Variants in ASAP1 observed in about 807,000 individuals in gnomAD.
ASAP1 encodes ArfGAP with SH3 domain, ankyrin repeat and PH domain 1.
In ASAP1, 43 loss-of-function variants were observed where a neutral mutation model predicts 145.2. The ratio of observed to expected loss-of-function variants is 0.30; its 90% CI spans 0.23 to 0.38. The LOEUF (loss-of-function observed/expected upper bound fraction) is 0.38, where lower values mean the gene tolerates loss of function less well. ASAP1 is among the 10% of genes least tolerant of loss of function. ASAP1 has a pLI of 1.00. For missense variants in ASAP1, 1,018 were observed against 1,355.3 expected, an observed-to-expected ratio of 0.75 and a Z score of 3.91; for synonymous variants, 546 against 515.5, an observed-to-expected ratio of 1.06 and a Z score of -0.80.
intron 2 of ASAP1, among the ~76,000 whole-genome samples, chr8:130,370,525 C>G (rs974884308): frequency 6.6e-6 from 1 of 152,076 alleles, no homozygotes; most frequent in African/African-American, 2.4e-5. Flanking sequence ...TATAGCAGCC[C>G]AAACTGACTA....
At chr8:130,150,918 C>G (rs1205933430) in intron 13 of ASAP1, among the ~76,000 whole-genome samples, 2 of 152,062 alleles carry the variant, frequency 1.3e-5, no homozygotes, top group Non-Finnish European at 2.9e-5. Context: ...TGACTAAAAA[C>G]TCACCATCTA....
At chr8:130,320,410 G>T (rs1271854381) in intron 3 of ASAP1, among the ~76,000 whole-genome samples, 1 of 152,040 alleles carries the variant, frequency 6.6e-6, no homozygotes, top group Non-Finnish European at 1.5e-5. Context: ...ACAAAAATTA[G>T]CTGGTGTGGT....
At position 130,131,004 on chromosome 8, in the gene ASAP1, A is replaced by C. The variant is rs1391304952; in HGVS notation, c.1218-2914T>G. ...ACCCCATCTCTACTAAAAACACAAA[A>C]AAATTAGCCAGGCGTGGTGGCACGC... On this transcript the variant is annotated intron_variant, in intron 15 of 29. Coordinates refer to ENST00000518721, the MANE Select transcript of ASAP1 (RefSeq NM_018482.4). Among the ~76,000 whole-genome samples, 11 of 152,152 alleles carry C rather than the reference A, an allele frequency of 7.2e-5. No individual in the cohort carries two copies. In the East Asian group the frequency reaches 1.9e-3, roughly 27 times the overall value.
intron 1 of ASAP1, among the ~76,000 whole-genome samples, chr8:130,429,181 C>T (rs147051314): frequency 6.3e-4 from 96 of 152,320 alleles, no homozygotes; most frequent in African/African-American, 2.3e-3. Flanking sequence ...CTAATGACTT[C>T]ATTTTAATTT....
chr8:130,350,744 G>A (rs1395687235), intron 3 of ASAP1, among the ~76,000 whole-genome samples: 3 of 152,194 alleles, frequency 2.0e-5, no homozygotes, highest in Non-Finnish European at 4.4e-5. Flanking sequence ...CTCCAAGGTC[G>A]CTTTTACTTG....
At position 130,220,146 on chromosome 8, in the gene ASAP1, A is replaced by G. The variant is rs536064204; in HGVS notation, c.260-5445T>C. Among the ~76,000 whole-genome samples, 9 of 152,338 alleles carry G rather than the reference A, an allele frequency of 5.9e-5. No homozygotes were observed. The East Asian group carries it at 1.5e-3, about 26-fold the overall frequency. ...TTTCAGTTCAAACAAGAATGAAATAATATGAGAATGAAATCTGGTCTAGTT... is the reference window on the plus strand; with the variant it reads ...TTTCAGTTCAAACAAGAATGAAATAGTATGAGAATGAAATCTGGTCTAGTT... On this transcript the variant is annotated intron_variant, in intron 4 of 29. Coordinates refer to ENST00000518721, the MANE Select transcript of ASAP1 (RefSeq NM_018482.4).
chr8:130,186,621 T>C (rs1814748661), intron 7 of ASAP1, among the ~76,000 whole-genome samples: 1 of 152,110 alleles, frequency 6.6e-6, no homozygotes, highest in African/African-American at 2.4e-5. Context: ...AGGTTGGTGG[T>C]CTGACTTCAG....
intron 2 of ASAP1, among the ~76,000 whole-genome samples, chr8:130,396,904 A>G (rs1317458576): frequency 6.6e-5 from 10 of 152,168 alleles, no homozygotes. Context: ...TCTTTTCTAC[A>G]TATGGAGAAA....
chr8:130,374,523 G>A (rs1410389980), intron 2 of ASAP1, among the ~76,000 whole-genome samples: 1 of 152,230 alleles, frequency 6.6e-6, no homozygotes, highest in Non-Finnish European at 1.5e-5. Context: ...TTGGGAGGCC[G>A]AGGCATTTAG....
chr8:130,074,486 C>CACACACACACACACACACAG (rs5895034), intron 27 of ASAP1, among the ~76,000 whole-genome samples: 2 of 140,484 alleles, frequency 1.4e-5, no homozygotes, highest in Non-Finnish European at 3.1e-5. Flanking sequence ...CACACACACA[C>CACACACACACACACACACAG]AGAGAGAACG....
At chr8:130,390,861 A>G (rs957523295) in intron 2 of ASAP1, among the ~76,000 whole-genome samples, 14 of 152,134 alleles carry the variant, frequency 9.2e-5, no homozygotes, top group Admixed American at 7.9e-4. Context: ...AATGGAAAAC[A>G]GCCTGGCTGT....
At chr8:130,421,074 C>T (rs1221570225) in intron 1 of ASAP1, among the ~76,000 whole-genome samples, 1 of 152,164 alleles carries the variant, frequency 6.6e-6, no homozygotes, top group African/African-American at 2.4e-5. Context: ...ATCTCAGCTC[C>T]ATCCCTTACT....
At chr8:130,244,746 G>T (rs1052683070) in intron 3 of ASAP1, among the ~76,000 whole-genome samples, 3 of 152,282 alleles carry the variant, frequency 2.0e-5, no homozygotes, top group Non-Finnish European at 4.4e-5. Flanking sequence ...AAGCAGAGAA[G>T]AAGGGAGCTA....
At chr8:130,095,271 A>G (rs930233902) in intron 24 of ASAP1, among the ~76,000 whole-genome samples, 10 of 145,936 alleles carry the variant, frequency 6.9e-5, no homozygotes, top group Non-Finnish European at 1.4e-4. Context: ...CTCAACCACT[A>G]CTTCTATCTT....
At chr8:130,196,252 G>T (rs1345809877) in intron 5 of ASAP1, among the ~76,000 whole-genome samples, 2 of 151,802 alleles carry the variant, frequency 1.3e-5, no homozygotes, top group African/African-American at 4.8e-5. Context: ...TGAAGCAGGA[G>T]AATCGCTTGA....
In ASAP1 at chr8:130,436,743, G is replaced by A. The variant is rs542252699; in HGVS notation, c.-28+6717C>T. Among the ~76,000 whole-genome samples the A allele has an allele frequency of 4.0e-4, 61 of 152,234 alleles. 1 individual carries two copies. Among genetic ancestry groups the A allele is most frequent in the Non-Finnish European group, 6.6e-4 (45 of 68,026 alleles). On this transcript the variant is annotated intron_variant, in intron 1 of 29. Coordinates refer to ENST00000518721, the MANE Select transcript of ASAP1 (RefSeq NM_018482.4). Reference sequence around the variant, plus strand: ...CTTGAGCCCTGGATTAGAGGCTGCAGTGTGCTATATTTGTGCCACTGCACT... The same window carrying A: ...CTTGAGCCCTGGATTAGAGGCTGCAATGTGCTATATTTGTGCCACTGCACT...
chr8:130,358,982 G>C lies in ASAP1; in HGVS notation c.60-839C>G, dbSNP rs996995685. On this transcript the variant is annotated intron_variant, in intron 2 of 29. Coordinates refer to ENST00000518721, the MANE Select transcript of ASAP1 (RefSeq NM_018482.4). The surrounding 1 kb of genome is among the most constrained non-coding windows in gnomAD (Gnocchi z 4.1). ...CAGGAAGTGAGGCCCCGGGAGAGCC[G>C]CCTTCTACTGCGAGGGCCGCCGACC... Among the ~76,000 whole-genome samples the C allele has an allele frequency of 4.6e-5, 7 of 152,030 alleles. No homozygotes were observed. Among genetic ancestry groups the C allele is most frequent in the Non-Finnish European group, 7.4e-5 (5 of 67,978 alleles).
chr8:130,137,996 T>C (rs553572452), intron 13 of ASAP1, among the ~76,000 whole-genome samples: 7 of 152,338 alleles, frequency 4.6e-5, no homozygotes, highest in Middle Eastern at 3.4e-3. Flanking sequence ...AACTCTTTAA[T>C]TGGACCTATA....
At chr8:130,108,879 G>A (rs915416687) in intron 24 of ASAP1, among the ~76,000 whole-genome samples, 2 of 138,202 alleles carry the variant, frequency 1.4e-5, no homozygotes, top group East Asian at 2.4e-4. Context: ...AGGTTCAAGC[G>A]ATTCTCCTGC....
Sources: gnomAD v4.1 joint callset for allele counts (sites outside exome capture counted in the v4.1 genomes callset) on GRCh38, gnomAD v4.1.1 for gene constraint, Gnocchi (gnomAD v3.1) non-coding constraint, MANE v1.5 for transcripts, NCBI Gene and HGNC (gene_info 2026-07-23, HGNC 2026-07-21) for gene names.